The following DNAH5 variants were observed in gnomAD, a reference collection of about 807,000 sequenced individuals.
The protein encoded by DNAH5 is dynein axonemal heavy chain 5, also known as axonemal beta dynein heavy chain 5.
DNAH5 carries 372 observed loss-of-function variants against 518.2 expected under a neutral mutation model. That is an observed-to-expected ratio of 0.72 (90% CI 0.66 to 0.78). DNAH5 has a LOEUF of 0.78. Among genes scored for constraint, DNAH5 ranks in the 30% least tolerant of loss-of-function variants. The probability of loss-of-function intolerance (pLI) is 0.00; values close to 1 mark genes in which losing one functional copy is unlikely to be tolerated. For synonymous variants in DNAH5, 2,039 were observed against 2,025.9 expected (o/e 1.01, Z -0.17); for missense variants, 5,523 against 5,687.0 (o/e 0.97, Z 0.93).
chr5:13,754,300 C>T lies in DNAH5; in HGVS notation c.10458G>A (p.Met3486Ile), dbSNP rs376253368. The change falls in exon 62 of 79, where the codon ATG becomes ATA. Residue 3486 changes from methionine to isoleucine, a missense_variant. Transcript: ENST00000265104. ...CACTGATGAGCGTGGAAGCTGTCTG[C>T]ATCTTGTGTCTGCATCGCTCTGCAT... Reference protein sequence around the residue: ...LEDAERCRHKMQTASTLISGL... With the variant: ...LEDAERCRHKIQTASTLISGL... The T allele has an allele frequency of 4.0e-5, 65 of 1,613,986 alleles. No homozygotes were observed. The highest frequency in any genetic ancestry group is 5.3e-5 in the Non-Finnish European group (62 of 1,179,986).
intron 25 of DNAH5, 88 bp from the exon 26 acceptor site, chr5:13,866,370 G>C: frequency 9.2e-7 from 1 of 1,086,554 alleles, no homozygotes; most frequent in Non-Finnish European, 1.4e-6. Flanking sequence ...ATTAAAGTTA[G>C]GTTTCATGCA....
chr5:13,949,410 T>C (rs1386824858), upstream of DNAH5, among the ~76,000 whole-genome samples: 2 of 152,250 alleles, frequency 1.3e-5, no homozygotes, highest in Non-Finnish European at 1.5e-5. Context: ...ATTTGAGCTA[T>C]ACTCACAAAA....
intron 1 of DNAH5, among the ~76,000 whole-genome samples, chr5:13,975,201 G>C (rs985219031): frequency 5.9e-5 from 9 of 152,192 alleles, no homozygotes; most frequent in Non-Finnish European, 1.0e-4. Context: ...AAGGAGAAAG[G>C]AATGTCTCAC....
chr5:13,908,415 C>T (rs1775610231), intron 12 of DNAH5, among the ~76,000 whole-genome samples: 1 of 152,274 alleles, frequency 6.6e-6, no homozygotes, highest in South Asian at 2.1e-4. Flanking sequence ...TGAGCCCTAA[C>T]ACTTTTACCT....
At chr5:13,722,164 C>T (rs1300303616) in intron 70 of DNAH5, among the ~76,000 whole-genome samples, 3 of 152,174 alleles carry the variant, frequency 2.0e-5, no homozygotes. Context: ...CTCCCCACTC[C>T]AATTCCCGGA....
chr5:13,803,347 A>G lies in DNAH5; in HGVS notation c.7887+4244T>C, dbSNP rs375948442. The stretch of plus-strand genomic sequence containing the variant: ...TAAAATGCTCAATAGTACATTGTAA[A>G]AAGTAAAATATGTCAAAAATCACAT... On this transcript the variant is annotated intron_variant, in intron 47 of 78. Coordinates refer to ENST00000265104, the MANE Select transcript of DNAH5 (RefSeq NM_001369.3). 1.2e-4 allele frequency among the ~76,000 whole-genome samples: 18 copies of G among 152,358 alleles called. No individual in the cohort carries two copies. The South Asian group carries it at 2.3e-3, about 19-fold the overall frequency.
intron 75 of DNAH5, among the ~76,000 whole-genome samples, chr5:13,713,378 C>CAT (rs200284707): frequency 0.039 from 5,106 of 129,936 alleles, 419 homozygotes; most frequent in African/African-American, 0.14. Context: ...TATATACCGA[C>CAT]ATATATATAT....
chr5:13,782,159 C>G (rs913346884), intron 52 of DNAH5, among the ~76,000 whole-genome samples: 1 of 152,178 alleles, frequency 6.6e-6, no homozygotes, highest in Non-Finnish European at 1.5e-5. Context: ...GTCCATCTTT[C>G]TTAGAAGAAT....
rs187551830 is a variant in DNAH5, at chr5:13,809,108, A to C, written c.7688T>G (p.Leu2563Arg). The change falls in exon 46 of 79, where the codon CTG (leucine) becomes CGG (arginine). Residue 2563 changes from leucine to arginine, a missense_variant. Around this residue, in one of 3 missense-constraint regions of DNAH5, gnomAD observed 5,121 missense variants for 5,223.3 expected, o/e 0.98. Coordinates refer to ENST00000265104, the MANE Select transcript of DNAH5 (RefSeq NM_001369.3). The stretch of plus-strand genomic sequence containing the variant: ...CCTCACATTGTCAACATTTGGCACC[A>C]GAATAGAACCATACTCTGGGGTGGT... ...SDTTPEYGSI[L>R]VPNVDNVRTD... 3.0e-5 allele frequency: 48 copies of C among 1,614,232 alleles called. No homozygotes were observed. The Admixed American group carries it at 7.8e-4, about 26-fold the overall frequency.
intron 1 of DNAH5, among the ~76,000 whole-genome samples, chr5:13,956,906 A>G (rs1014769373): frequency 6.6e-6 from 1 of 152,220 alleles, no homozygotes; most frequent in African/African-American, 2.4e-5. Flanking sequence ...TTCCTTACAG[A>G]GAATTGTTGT....
chr5:13,824,807 G>A (rs1179241959), intron 38 of DNAH5, among the ~76,000 whole-genome samples: 3 of 152,100 alleles, frequency 2.0e-5, no homozygotes, highest in Admixed American at 6.5e-5. Flanking sequence ...AAGCACCTGC[G>A]CTTCAGGATT....
In DNAH5 at chr5:13,807,655, T is replaced by A. The variant is rs189971831; in HGVS notation, c.7823A>T (p.Asp2608Val). 61 of 1,612,226 alleles carry A rather than the reference T, an allele frequency of 3.8e-5. No homozygotes were observed. In the Admixed American group the frequency reaches 9.8e-4, roughly 26 times the overall value. The stretch of plus-strand genomic sequence containing the variant: ...ACTCTTGATCATGTGACATTCAGGA[T>A]CATATTTTGACATAAATCCTTTAAT... Reference protein sequence around the residue: ...VIIKGFMSKYDPECHMIKSLN... With the variant: ...VIIKGFMSKYVPECHMIKSLN... The change falls in exon 47 of 79, where the codon GAT (aspartate) becomes GTT (valine). Residue 2608 changes from aspartate to valine, a missense_variant. Physicochemically the swap from Asp to Val is radical, Grantham distance 152. Transcript: ENST00000265104.
At chr5:13,933,052 C>A (rs1560962805) in intron 1 of DNAH5, among the ~76,000 whole-genome samples, 2 of 152,206 alleles carry the variant, frequency 1.3e-5, no homozygotes. Flanking sequence ...CCAGTAGCCT[C>A]CACCACCAAC....
intron 55 of DNAH5, among the ~76,000 whole-genome samples, chr5:13,774,163 A>G (rs1273694524): frequency 6.6e-6 from 1 of 152,130 alleles, no homozygotes; most frequent in Non-Finnish European, 1.5e-5. Context: ...CAGGTGAAAG[A>G]GTTGAAGAGA....
rs948882905 is a variant in DNAH5 at position 13,809,195 on chromosome 5, AG to A, written c.7610-10del. ...CCAGTGCGTCCATGTACCTAAGGTG[AG>A]CAGAGGACATTTCCATCTCCATATT... On this transcript the variant is annotated splice_polypyrimidine_tract_variant and intron_variant, in intron 45 of 78. Coordinates refer to ENST00000265104, the MANE Select transcript of DNAH5 (RefSeq NM_001369.3). The A allele has an allele frequency of 6.2e-7, 1 of 1,613,884 alleles. No homozygotes were observed. The highest frequency in any genetic ancestry group is 1.3e-5 in the African/African-American group (1 of 74,894).
intron 1 of DNAH5, among the ~76,000 whole-genome samples, chr5:13,988,727 C>T (rs1444816759): frequency 7.1e-5 from 9 of 126,628 alleles, no homozygotes; most frequent in East Asian, 5.4e-4. Flanking sequence ...CAGCCCAAAT[C>T]TTTTTTTTTT....
chr5:14,006,276 G>A lies in DNAH5; in HGVS notation c.12+5372C>T, dbSNP rs889580509. Among the ~76,000 whole-genome samples the A allele has an allele frequency of 7.9e-5, 12 of 152,264 alleles. No homozygotes were observed. The South Asian group carries it at 1.0e-3, about 13-fold the overall frequency. On this transcript the variant is annotated intron_variant, in intron 1 of 78. Transcript: ENST00000681290. ...TGTAAAATCCAGTTGACATACCAGC[G>A]CGAGGCTATAACAGGGACTAACTGA...
At position 13,691,834 on chromosome 5, in the gene DNAH5, C is replaced by A; in HGVS notation, c.*150G>T. On this transcript the variant is annotated 3_prime_UTR_variant, in exon 79 of 79. Coordinates refer to ENST00000265104, the MANE Select transcript of DNAH5 (RefSeq NM_001369.3). ...AATGATGAAACAAGTAAAATATAAGCATCCAATTAAGGAGTGGGGAAAACC... is the reference window on the plus strand; with the variant it reads ...AATGATGAAACAAGTAAAATATAAGAATCCAATTAAGGAGTGGGGAAAACC... The A allele has an allele frequency of 1.2e-6, 1 of 840,008 alleles. No homozygotes were observed. The allele number at this position is 840,008 out of a possible 1,614,324, so 52.0% of individuals were successfully genotyped here.
chr5:13,805,921 C>G lies in DNAH5; in HGVS notation c.7887+1670G>C, dbSNP rs116706066. ...GAGTGAGGGCAGTCTTGTGGGGACT[C>G]GGCCCTTAACTTCTGAAGTCTGCAT... is the stretch of plus-strand genomic sequence containing the variant. On this transcript the variant is annotated intron_variant, in intron 47 of 78. Coordinates refer to ENST00000265104, the MANE Select transcript of DNAH5 (RefSeq NM_001369.3). Among the ~76,000 whole-genome samples the G allele has an allele frequency of 2.3e-3, 348 of 152,150 alleles. 3 individuals are homozygous for G. Among genetic ancestry groups the G allele is most frequent in the African/African-American group, 8.1e-3 (338 of 41,500 alleles).
Sources: gnomAD v4.1 joint callset for allele counts (sites outside exome capture counted in the v4.1 genomes callset) on GRCh38, gnomAD v4.1.1 for gene constraint, gnomAD v4.1.1 regional missense constraint, MANE v1.5 for transcripts, NCBI Gene and HGNC (gene_info 2026-07-23, HGNC 2026-07-21) for gene names.